Variants in ARHGAP42 observed in about 807,000 individuals in gnomAD.
ARHGAP42 encodes the protein rho GTPase-activating protein 42.
In ARHGAP42, 63 loss-of-function variants were observed where a neutral mutation model predicts 125.0. That is an observed-to-expected ratio of 0.50 (90% CI 0.41 to 0.62). The LOEUF is 0.62. ARHGAP42 is among the 20% of genes least tolerant of loss of function. ARHGAP42 has a pLI of 0.00. For synonymous variants in ARHGAP42, 339 were observed against 351.0 expected (o/e 0.97, Z 0.38); for missense variants, 766 against 1,024.2 (o/e 0.75, Z 3.44).
chr11:100,908,740 T>C (rs1022098133), intron 4 of ARHGAP42, among the ~76,000 whole-genome samples: 4 of 152,234 alleles, frequency 2.6e-5, no homozygotes, highest in Non-Finnish European at 5.9e-5. Flanking sequence ...TAATGATTTC[T>C]TTCCCTTTGG....
intron 1 of ARHGAP42, among the ~76,000 whole-genome samples, chr11:100,756,548 G>T (rs1396021208): frequency 1.3e-5 from 2 of 152,156 alleles, no homozygotes; most frequent in South Asian, 4.1e-4. Context: ...AGTTGAAAAC[G>T]GCATATACAT....
At chr11:100,827,120 C>T (rs1019473065) in intron 3 of ARHGAP42, among the ~76,000 whole-genome samples, 12 of 150,500 alleles carry the variant, frequency 8.0e-5, no homozygotes, top group Non-Finnish European at 1.3e-4. Flanking sequence ...TCTTCTGCCT[C>T]GGCCTCCCGA....
intron 1 of ARHGAP42, among the ~76,000 whole-genome samples, chr11:100,697,181 GT>G (rs58180649): frequency 1.2e-4 from 17 of 147,334 alleles, no homozygotes; most frequent in Admixed American, 3.4e-4. Flanking sequence ...TGTTGTTTTG[GT>G]TTTTTTTTTT....
intron 4 of ARHGAP42, among the ~76,000 whole-genome samples, chr11:100,902,098 G>T (rs1224883884): frequency 2.0e-5 from 3 of 152,228 alleles, no homozygotes; most frequent in Non-Finnish European, 4.4e-5. Context: ...TCCATAAGCA[G>T]ATATTCAGTC....
chr11:100,894,727 C>T (rs1331316803), intron 4 of ARHGAP42, among the ~76,000 whole-genome samples: 2 of 152,142 alleles, frequency 1.3e-5, no homozygotes, highest in African/African-American at 4.8e-5. Flanking sequence ...CATTGCTCTC[C>T]TCACTTAATG....
intron 3 of ARHGAP42, among the ~76,000 whole-genome samples, chr11:100,804,759 G>A (rs757267116): frequency 2.6e-5 from 4 of 151,864 alleles, no homozygotes; most frequent in Non-Finnish European, 4.4e-5. Flanking sequence ...TGATCCACCC[G>A]CCTTGGCCTC....
intron 8 of ARHGAP42, among the ~76,000 whole-genome samples, chr11:100,940,276 C>A (rs954287775): frequency 6.6e-6 from 1 of 152,114 alleles, no homozygotes; most frequent in Non-Finnish European, 1.5e-5. Context: ...CAATTTCTTT[C>A]TTTTAAACAT....
intron 1 of ARHGAP42, 69 bp from the exon 2 acceptor site, chr11:100,770,274 C>A: frequency 9.8e-7 from 1 of 1,020,556 alleles, no homozygotes; most frequent in Non-Finnish European, 1.4e-6. Context: ...TATAATTTTA[C>A]ATTTGGAAAC....
intron 1 of ARHGAP42, among the ~76,000 whole-genome samples, chr11:100,756,752 G>T (rs192491045): frequency 1.8e-4 from 28 of 152,282 alleles, no homozygotes; most frequent in Non-Finnish European, 3.5e-4. Flanking sequence ...GACACAGTTG[G>T]AATTCCTCAG....
At chr11:100,966,857 C>T (rs1858109267) in intron 17 of ARHGAP42, among the ~76,000 whole-genome samples, 1 of 152,068 alleles carries the variant, frequency 6.6e-6, no homozygotes, top group Non-Finnish European at 1.5e-5. Context: ...TAAGAATTTC[C>T]TGTAGCATTA....
intron 1 of ARHGAP42, among the ~76,000 whole-genome samples, chr11:100,704,330 G>A (rs1042817908): frequency 1.3e-5 from 2 of 152,234 alleles, no homozygotes; most frequent in Non-Finnish European, 2.9e-5. Context: ...CAAGGGACAG[G>A]AAGTCTTAGC....
At chr11:100,924,104 T>A (rs903266736) in intron 6 of ARHGAP42, among the ~76,000 whole-genome samples, 3 of 152,156 alleles carry the variant, frequency 2.0e-5, no homozygotes, top group Non-Finnish European at 2.9e-5. Context: ...TGCTGTTGCA[T>A]GTTGCAGAAA....
intron 3 of ARHGAP42, among the ~76,000 whole-genome samples, chr11:100,827,945 G>C (rs1425565472): frequency 6.6e-6 from 1 of 152,188 alleles, no homozygotes; most frequent in South Asian, 2.1e-4. Flanking sequence ...ACATGGGAGT[G>C]GGGGTAAGAG....
At chr11:100,892,870 G>A (rs1050241375) in intron 4 of ARHGAP42, among the ~76,000 whole-genome samples, 1 of 152,134 alleles carries the variant, frequency 6.6e-6, no homozygotes, top group Non-Finnish European at 1.5e-5. Context: ...ATACTAAAGA[G>A]TTGAAAAATT....
chr11:100,780,606 C>T (rs888860203), intron 2 of ARHGAP42, among the ~76,000 whole-genome samples: 1 of 152,160 alleles, frequency 6.6e-6, no homozygotes, highest in Non-Finnish European at 1.5e-5. Context: ...TCTGTAAGAG[C>T]GACATTGTTA....
At chr11:100,758,774 A>G (rs1347462173) in intron 1 of ARHGAP42, among the ~76,000 whole-genome samples, 3 of 152,160 alleles carry the variant, frequency 2.0e-5, no homozygotes, top group Non-Finnish European at 2.9e-5. Context: ...GTATATTAAT[A>G]TTATTCCCAT....
At chr11:100,880,737 A>G (rs1449717744) in intron 4 of ARHGAP42, among the ~76,000 whole-genome samples, 7 of 152,066 alleles carry the variant, frequency 4.6e-5, no homozygotes, top group Non-Finnish European at 1.0e-4. Flanking sequence ...ATCCCTTTTC[A>G]CTGCATCCAT....
At chr11:100,729,811 C>CTTTTT (rs1218377976) in intron 1 of ARHGAP42, among the ~76,000 whole-genome samples, 1 of 133,686 alleles carries the variant, frequency 7.5e-6, no homozygotes. Flanking sequence ...AAATTTCTTT[C>CTTTTT]TTTTTTTTTT....
chr11:100,711,070 T>A (rs1398929237), intron 1 of ARHGAP42, among the ~76,000 whole-genome samples: 1 of 152,246 alleles, frequency 6.6e-6, no homozygotes, highest in Non-Finnish European at 1.5e-5. Context: ...TAAATGGTTA[T>A]GTTGAGTTTG....
Sources: allele counts gnomAD v4.1 joint callset (sites outside exome capture counted in the v4.1 genomes callset), GRCh38; gene constraint gnomAD v4.1.1; transcripts MANE v1.5; gene names NCBI Gene and HGNC (gene_info 2026-07-23, HGNC 2026-07-21).